Variants in ROBO2 observed in about 807,000 individuals in gnomAD.
ROBO2 encodes the protein roundabout homolog 2.
Under a neutral mutation model 160.8 loss-of-function variants are expected in ROBO2, and 53 were observed. The ratio of observed to expected loss-of-function variants is 0.33; its 90% CI spans 0.26 to 0.41. ROBO2 has a LOEUF of 0.41. ROBO2 is among the 10% of genes least tolerant of loss of function. The probability of loss-of-function intolerance (pLI) is 1.00; values close to 1 mark genes in which losing one functional copy is unlikely to be tolerated. For missense variants in ROBO2, 1,577 were observed against 1,722.4 expected (o/e 0.92, Z 1.49); for synonymous variants, 664 against 611.7 (o/e 1.09, Z -1.26).
At position 76,925,210 on chromosome 3, in the gene ROBO2, CAAAA is replaced by C. The variant is rs147022230; in HGVS notation, c.110-172786_110-172783del. ...TGGGCGACAGAGCGAGACTCCGTCTCAAAAAAAAAAAAAAAAAAAAATCTGGTTT... is the reference window on the plus strand; with the variant it reads ...TGGGCGACAGAGCGAGACTCCGTCTCAAAAAAAAAAAAAAAAATCTGGTTT... On this transcript the variant is annotated intron_variant, in intron 2 of 26. Coordinates refer to the ROBO2 transcript ENST00000487694. 6.5e-5 allele frequency among the ~76,000 whole-genome samples: 4 copies of C among 61,876 alleles called. No individual in the cohort carries two copies. In the South Asian group the frequency reaches 1.9e-3, roughly 29 times the overall value. 40.6% of individuals were successfully genotyped at this position (61,876 alleles called of 152,430 possible). A position where few individuals can be genotyped will look rare whatever the true frequency, so the allele number is the denominator to read the frequency against.
At chr3:77,512,893 A>G (rs913347268) in intron 5 of ROBO2, among the ~76,000 whole-genome samples, 1 of 151,954 alleles carries the variant, frequency 6.6e-6, no homozygotes, top group Non-Finnish European at 1.5e-5. Context: ...CTATTGGCCA[A>G]CTTAACGATT....
chr3:77,488,515 T>G (rs759123140), intron 4 of ROBO2, among the ~76,000 whole-genome samples: 1 of 152,210 alleles, frequency 6.6e-6, no homozygotes, highest in Non-Finnish European at 1.5e-5. Flanking sequence ...TTCAATAGTT[T>G]AAGATTTTCA....
intron 2 of ROBO2, among the ~76,000 whole-genome samples, chr3:77,171,286 C>T (rs949953102): frequency 6.6e-6 from 1 of 152,164 alleles, no homozygotes; most frequent in African/African-American, 2.4e-5. Flanking sequence ...GGACTGGTTA[C>T]ATATCTGATG....
chr3:76,414,733 A>T (rs573112766), intron 2 of ROBO2, among the ~76,000 whole-genome samples: 1 of 150,652 alleles, frequency 6.6e-6, no homozygotes, highest in African/African-American at 2.5e-5. Flanking sequence ...AACCTGCACA[A>T]TGTGCACATG....
At chr3:76,861,071 C>G (rs1194568823) in intron 2 of ROBO2, among the ~76,000 whole-genome samples, 1 of 152,156 alleles carries the variant, frequency 6.6e-6, no homozygotes, top group Non-Finnish European at 1.5e-5. Context: ...CCTCTTCCCT[C>G]TGCAACATCA....
intron 2 of ROBO2, among the ~76,000 whole-genome samples, chr3:77,321,875 A>T (rs149893477): frequency 3.3e-5 from 5 of 152,280 alleles, no homozygotes; most frequent in Non-Finnish European, 7.4e-5. Context: ...TTTGTTTGAG[A>T]CGGATGAAAG....
chr3:76,049,565 A>C lies in ROBO2; in HGVS notation c.109+111963A>C, dbSNP rs371116454. On this transcript the variant is annotated intron_variant, in intron 2 of 26. Transcript: ENST00000487694. ...GGCCACAAGCGTTCCTTTAGTGTAT[A>C]TGTATTAAATATTCCAACAAGGACA... Among the ~76,000 whole-genome samples the C allele has an allele frequency of 5.9e-5, 9 of 151,606 alleles. No individual in the cohort carries two copies. In the South Asian group the frequency reaches 1.9e-3, roughly 32 times the overall value.
At chr3:76,636,875 C>G (rs1021909689) in intron 2 of ROBO2, among the ~76,000 whole-genome samples, 1 of 151,742 alleles carries the variant, frequency 6.6e-6, no homozygotes, top group African/African-American at 2.4e-5. Flanking sequence ...TCCGATGTCC[C>G]GTAAAGCAAT....
intron 2 of ROBO2, among the ~76,000 whole-genome samples, chr3:77,110,168 GTTTGCAGGCCAAAGCAGCTTGGAGA>G (rs2073380148): frequency 1.3e-5 from 2 of 152,140 alleles, no homozygotes; most frequent in African/African-American, 2.4e-5. Context: ...TCATTGACAT[GTTTGCAGGCCAAAGCAGCTTGGAGA>G]TTAAGAATCC....
intron 2 of ROBO2, among the ~76,000 whole-genome samples, chr3:76,008,166 T>TGG (rs1424549548): frequency 1.6e-5 from 2 of 126,428 alleles, no homozygotes; most frequent in Non-Finnish European, 3.1e-5. Flanking sequence ...ACCTGGGAGG[T>TGG]GGAGGTTGCA....
intron 2 of ROBO2, among the ~76,000 whole-genome samples, chr3:76,819,785 G>A (rs916503015): frequency 6.6e-6 from 1 of 152,078 alleles, no homozygotes; most frequent in Admixed American, 6.6e-5. Context: ...AATTCAATGT[G>A]CTTTGGGAAA....
intron 2 of ROBO2, among the ~76,000 whole-genome samples, chr3:77,131,841 A>T (rs185661954): frequency 2.0e-5 from 3 of 152,292 alleles, no homozygotes; most frequent in Admixed American, 2.0e-4. Flanking sequence ...AGATTTGACA[A>T]TTTAATTTTT....
At position 77,221,216 on chromosome 3, in the gene ROBO2, C is replaced by T. The variant is rs79954068; in HGVS notation, c.388+122876C>T. On this transcript the variant is annotated intron_variant, in intron 2 of 25. Transcript: ENST00000461745. ...GCACCCTCTGCCAGTGCTGTGTGAG[C>T]TCCCCAATTCCTTGCTGTCCTTATG... Among the ~76,000 whole-genome samples the T allele has an allele frequency of 2.4e-3, 365 of 152,270 alleles. 2 individuals are homozygous for T. The highest frequency in any genetic ancestry group is 8.0e-3 in the African/African-American group (334 of 41,550).
chr3:75,916,483 T>C (rs1252895580), intron 1 of ROBO2, among the ~76,000 whole-genome samples: 3 of 152,186 alleles, frequency 2.0e-5, no homozygotes, highest in Admixed American at 2.0e-4. Context: ...CCAAGAATTA[T>C]ACTATATTGC....
chr3:76,830,139 G>C (rs192536079), intron 2 of ROBO2, among the ~76,000 whole-genome samples: 73 of 152,260 alleles, frequency 4.8e-4, no homozygotes, highest in Non-Finnish European at 7.3e-4. Flanking sequence ...ATTTTACAAT[G>C]GTTTCCAGAA....
At chr3:77,323,572 T>C (rs1160616082) in intron 2 of ROBO2, among the ~76,000 whole-genome samples, 3 of 152,194 alleles carry the variant, frequency 2.0e-5, no homozygotes, top group Non-Finnish European at 2.9e-5. Flanking sequence ...ACCAAGTGCA[T>C]GCCTTTGGAC....
chr3:77,477,296 TA>T lies in ROBO2; in HGVS notation c.389-113del, dbSNP rs1416008129. 4.9e-6 allele frequency: 5 copies of T among 1,030,488 alleles called. No individual in the cohort carries two copies. The Admixed American group carries it at 8.5e-5, about 17-fold the overall frequency. The allele number at this position is 1,030,488 out of a possible 1,614,324, so 63.8% of individuals were successfully genotyped here. ...AAGGTGGATGTAGCTATGTTCTCAG[TA>T]AAAATCCAGGCAATTTTTACTAGAA... is the stretch of plus-strand genomic sequence containing the variant. On this transcript the variant is annotated intron_variant, in intron 2 of 25. Transcript: ENST00000461745.
chr3:77,565,832 G>A (rs1389203816), intron 12 of ROBO2, among the ~76,000 whole-genome samples: 1 of 151,972 alleles, frequency 6.6e-6, no homozygotes, highest in Non-Finnish European at 1.5e-5. Context: ...ATTTCAAAAT[G>A]GAAGATTTCA....
chr3:76,037,417 C>T (rs1238711645), intron 2 of ROBO2, among the ~76,000 whole-genome samples: 1 of 151,814 alleles, frequency 6.6e-6, no homozygotes, highest in Non-Finnish European at 1.5e-5. Flanking sequence ...ACCACCATGC[C>T]TGGCTAATTT....
Sources: gnomAD v4.1 joint callset for allele counts (sites outside exome capture counted in the v4.1 genomes callset) on GRCh38, gnomAD v4.1.1 for gene constraint, MANE v1.5 for transcripts, NCBI Gene and HGNC (gene_info 2026-07-23, HGNC 2026-07-21) for gene names.